PPA2: variants seen among roughly 807,000 people sequenced by gnomAD.
The protein encoded by PPA2 is inorganic pyrophosphatase 2, mitochondrial.
Under a neutral mutation model 49.5 loss-of-function variants are expected in PPA2, and 48 were observed. The observed-to-expected ratio is 0.97, with a 90% confidence interval of 0.77 to 1.23. The LOEUF is 1.23. Among genes scored for constraint, PPA2 ranks in the 50% most tolerant of loss-of-function variants. The probability of loss-of-function intolerance (pLI) is 0.00; values close to 1 mark genes in which losing one functional copy is unlikely to be tolerated. For synonymous variants in PPA2, 131 were observed against 139.9 expected, an observed-to-expected ratio of 0.94 and a Z score of 0.45; for missense variants, 429 against 410.1, an observed-to-expected ratio of 1.05 and a Z score of -0.40.
chr4:105,434,280 T>C (rs368157576), intron 6 of PPA2, among the ~76,000 whole-genome samples: 5 of 152,332 alleles, frequency 3.3e-5, no homozygotes, highest in African/African-American at 1.2e-4. Context: ...GACCAAAAGA[T>C]GTGTAAGATC....
intron 7 of PPA2, among the ~76,000 whole-genome samples, chr4:105,417,940 A>T (rs1278464647): frequency 6.6e-6 from 1 of 152,212 alleles, no homozygotes; most frequent in Non-Finnish European, 1.5e-5. Flanking sequence ...ATGACTGGCC[A>T]TATGATTTAG....
At chr4:105,416,500 G>T (rs1035742364) in intron 7 of PPA2, among the ~76,000 whole-genome samples, 1 of 152,194 alleles carries the variant, frequency 6.6e-6, no homozygotes, top group Non-Finnish European at 1.5e-5. Context: ...TCTCATCCCA[G>T]TACTATAAAT....
chr4:105,399,984 C>T (rs1734294693), intron 7 of PPA2, among the ~76,000 whole-genome samples: 1 of 152,100 alleles, frequency 6.6e-6, no homozygotes, highest in Non-Finnish European at 1.5e-5. Flanking sequence ...TGGCCACATT[C>T]TATATACTAC....
At chr4:105,388,217 T>C (rs1022951139) in intron 9 of PPA2, among the ~76,000 whole-genome samples, 6 of 152,172 alleles carry the variant, frequency 3.9e-5, no homozygotes, top group Non-Finnish European at 8.8e-5. Context: ...GGAATAATAT[T>C]TGTTATTCTG....
intron 7 of PPA2, among the ~76,000 whole-genome samples, chr4:105,416,596 T>G (rs182414777): frequency 1.2e-4 from 19 of 152,360 alleles, no homozygotes; most frequent in African/African-American, 4.3e-4. Flanking sequence ...TTTTAATGAC[T>G]TATAAACATT....
intron 5 of PPA2, among the ~76,000 whole-genome samples, chr4:105,440,512 C>T (rs531295897): frequency 6.6e-6 from 1 of 152,198 alleles, no homozygotes; most frequent in Non-Finnish European, 1.5e-5. Flanking sequence ...CCACCTGCCT[C>T]GGCCTCCGAC....
At chr4:105,407,143 A>G (rs1458195894) in intron 7 of PPA2, 1 of 82,956 alleles carries the variant, frequency 1.2e-5, no homozygotes, top group Admixed American at 1.2e-4. Flanking sequence ...CACTACAAGC[A>G]TAGTGAAAGT....
chr4:105,375,660 C>T (rs552926993), intron 10 of PPA2, among the ~76,000 whole-genome samples: 30 of 152,220 alleles, frequency 2.0e-4, no homozygotes, highest in African/African-American at 7.0e-4. Context: ...GCCAGATTAA[C>T]CTCAGAGATT....
intron 6 of PPA2, 101 bp downstream of exon 6, chr4:105,437,849 C>A: frequency 1.2e-6 from 1 of 822,050 alleles, no homozygotes; most frequent in South Asian, 2.0e-5. Flanking sequence ...AATCAATAGG[C>A]TTGAACTCTG....
intron 1 of PPA2, among the ~76,000 whole-genome samples, chr4:105,460,270 T>G (rs944185569): frequency 5.9e-5 from 9 of 152,202 alleles, no homozygotes; most frequent in South Asian, 2.1e-4. Flanking sequence ...ATATTGTAAG[T>G]AATTCAAAGA....
chr4:105,374,986 C>T (rs771876416), intron 10 of PPA2, among the ~76,000 whole-genome samples: 1 of 151,758 alleles, frequency 6.6e-6, no homozygotes, highest in Non-Finnish European at 1.5e-5. Context: ...GCCACTGTGC[C>T]CAGCCGGACA....
chr4:105,446,319 C>A, intron 5 of PPA2, 64 bp downstream of exon 5: 5 of 1,476,222 alleles, frequency 3.4e-6, no homozygotes, highest in Non-Finnish European at 4.5e-6. Flanking sequence ...CAGTAGTTCA[C>A]AGGATTTATA....
chr4:105,455,990 C>G, intron 2 of PPA2: 1 of 260,540 alleles, frequency 3.8e-6, no homozygotes, highest in Non-Finnish European at 7.8e-6. Flanking sequence ...ATCATGAATA[C>G]TACCAAATAT....
chr4:105,421,938 G>A (rs1723271046), intron 7 of PPA2, among the ~76,000 whole-genome samples: 1 of 152,004 alleles, frequency 6.6e-6, no homozygotes, highest in South Asian at 2.1e-4. Flanking sequence ...AACTAGTCAG[G>A]AGGCTGAGGC....
At chr4:105,371,374 T>A (rs1733020380) in intron 10 of PPA2, among the ~76,000 whole-genome samples, 1 of 152,162 alleles carries the variant, frequency 6.6e-6, no homozygotes, top group Admixed American at 6.5e-5. Context: ...TATGCAATAG[T>A]TTTTTTCCCC....
intron 8 of PPA2, among the ~76,000 whole-genome samples, chr4:105,397,305 G>A (rs892585092): frequency 1.3e-5 from 2 of 152,262 alleles, no homozygotes; most frequent in Admixed American, 1.3e-4. Flanking sequence ...CTGCGATGGA[G>A]GACGACTTAT....
rs183959836 is a variant in PPA2, at chr4:105,466,864, G to A, written c.157+7030C>T. 9.2e-5 allele frequency among the ~76,000 whole-genome samples: 14 copies of A among 152,250 alleles called. No individual in the cohort carries two copies. The East Asian group carries it at 1.2e-3, about 13-fold the overall frequency. Reference sequence around the variant, plus strand: ...TGCAACGTGTTTACTGGAGTTGTACGCGTGTTCACTTGAGGTGTTCTTCCC... The same window carrying A: ...TGCAACGTGTTTACTGGAGTTGTACACGTGTTCACTTGAGGTGTTCTTCCC... On this transcript the variant is annotated intron_variant, in intron 1 of 11. Transcript: ENST00000341695.
At chr4:105,379,748 T>G (rs1206293192) in intron 10 of PPA2, among the ~76,000 whole-genome samples, 1 of 151,586 alleles carries the variant, frequency 6.6e-6, no homozygotes, top group Admixed American at 6.6e-5. Context: ...ATTATCCTGC[T>G]TCAGACTCCT....
chr4:105,400,792 A>C (rs1428408496), intron 7 of PPA2, among the ~76,000 whole-genome samples: 1 of 152,180 alleles, frequency 6.6e-6, no homozygotes, highest in African/African-American at 2.4e-5. Context: ...TAATTATCTA[A>C]TATCTACCTC....
Sources: gnomAD v4.1 joint callset for allele counts (sites outside exome capture counted in the v4.1 genomes callset) on GRCh38, gnomAD v4.1.1 for gene constraint, MANE v1.5 for transcripts, NCBI Gene and HGNC (gene_info 2026-07-23, HGNC 2026-07-21) for gene names.